The following NTN1 variants were observed in gnomAD, a reference collection of about 807,000 sequenced individuals.
The protein encoded by NTN1 is netrin 1.
A neutral mutation model predicts 54.2 loss-of-function variants in NTN1; 11 were observed. The ratio of observed to expected loss-of-function variants is 0.20; its 90% confidence interval spans 0.13 to 0.34. The LOEUF (loss-of-function observed/expected upper bound fraction) is 0.34. Among genes scored for constraint, NTN1 ranks in the 10% least tolerant of loss-of-function variants. NTN1 has a pLI of 1.00. For synonymous variants in NTN1, 371 were observed against 382.0 expected (o/e 0.97, Z 0.33); for missense variants, 740 against 893.1 (o/e 0.83, Z 2.18).
chr17:9,034,133 G>A (rs1378971269), intron 2 of NTN1, among the ~76,000 whole-genome samples: 1 of 152,072 alleles, frequency 6.6e-6, no homozygotes, highest in Non-Finnish European at 1.5e-5. Context: ...AAATTAAGCT[G>A]TCTGTGCCTT....
intron 4 of NTN1, among the ~76,000 whole-genome samples, chr17:9,181,274 C>A (rs946099597): frequency 6.6e-6 from 1 of 152,134 alleles, no homozygotes; most frequent in Non-Finnish European, 1.5e-5. Context: ...TACAGGTGCC[C>A]AGACAGTGCC....
chr17:9,029,583 A>C (rs1305328122), intron 2 of NTN1, among the ~76,000 whole-genome samples: 1 of 152,234 alleles, frequency 6.6e-6, no homozygotes, highest in African/African-American at 2.4e-5. Flanking sequence ...ATCTGCTCTC[A>C]TGAGGTTTGA....
intron 2 of NTN1, among the ~76,000 whole-genome samples, chr17:9,134,466 G>A (rs1183800223): frequency 1.3e-5 from 2 of 152,206 alleles, no homozygotes; most frequent in Non-Finnish European, 2.9e-5. Flanking sequence ...TAGATTGGGA[G>A]CATGGTCCTT....
Position 9,135,975 on chromosome 17 carries a change from A to C in NTN1, c.1019-26838A>C, listed in dbSNP as rs1252938100. Among the ~76,000 whole-genome samples, 1 of 152,174 alleles carries C rather than the reference A, an allele frequency of 6.6e-6. No individual in the cohort carries two copies. The highest frequency in any genetic ancestry group is 1.5e-5 in the Non-Finnish European group (1 of 68,028). ...ATACATGTGTGCACGTGCCTACTCA[A>C]ACTCGACACCCATCCTCCTCACTCC... On this transcript the variant is annotated intron_variant, in intron 2 of 6. Transcript: ENST00000173229. The surrounding 1 kb of genome is among the most constrained non-coding windows in gnomAD (Gnocchi z 4.4).
intron 5 of NTN1, among the ~76,000 whole-genome samples, chr17:9,204,284 ATCTCTT>A (rs1567738046): frequency 1.1e-5 from 1 of 87,762 alleles, no homozygotes; most frequent in Admixed American, 1.2e-4. Context: ...CTCTTTCTCT[ATCTCTT>A]TCTCTCTCTC....
intron 6 of NTN1, among the ~76,000 whole-genome samples, chr17:9,235,002 G>A (rs533817593): frequency 2.4e-5 from 3 of 125,912 alleles, no homozygotes; most frequent in East Asian, 4.8e-4. Flanking sequence ...CGCTCCTGTT[G>A]CCCAGGCTGG....
intron 2 of NTN1, among the ~76,000 whole-genome samples, chr17:9,065,516 A>G (rs2092012405): frequency 6.6e-6 from 1 of 152,220 alleles, no homozygotes. Context: ...ATATGGCCAC[A>G]GTCTCTTGCT....
At chr17:9,095,129 T>G (rs776960541) in intron 2 of NTN1, among the ~76,000 whole-genome samples, 2 of 152,248 alleles carry the variant, frequency 1.3e-5, no homozygotes, top group Non-Finnish European at 2.9e-5. Flanking sequence ...CTTTGTGTAT[T>G]TTTTCCATTG....
intron 2 of NTN1, among the ~76,000 whole-genome samples, chr17:9,048,771 C>T (rs895629977): frequency 9.2e-5 from 14 of 152,096 alleles, no homozygotes; most frequent in African/African-American, 3.1e-4. Context: ...ATTCTCCTGC[C>T]TCAGCCTTCC....
chr17:9,221,123 A>C lies in NTN1; in HGVS notation c.1412-45A>C. 16 of 1,284,072 alleles carry C rather than the reference A, an allele frequency of 1.2e-5. No homozygotes were observed. Among genetic ancestry groups the C allele is most frequent in the East Asian group, 2.3e-5 (1 of 43,198 alleles). 79.5% of individuals were successfully genotyped at this position (1,284,072 alleles called of 1,614,324 possible). A position where few individuals can be genotyped will look rare whatever the true frequency, so the allele number is the denominator to read the frequency against. On this transcript the variant is annotated intron_variant, in intron 5 of 6. Transcript: ENST00000173229. This position sits in a 1 kb window ranked among gnomAD's most constrained non-coding sequence, Gnocchi z 4.5. Reference sequence around the variant, plus strand: ...TCTGCCCGCCAGCCTATTCATCGCCAGCCTAATTAGTTTTTGTCTGTGCTC... The same window carrying C: ...TCTGCCCGCCAGCCTATTCATCGCCCGCCTAATTAGTTTTTGTCTGTGCTC...
chr17:9,118,379 G>A (rs185541520), intron 2 of NTN1, among the ~76,000 whole-genome samples: 5 of 152,266 alleles, frequency 3.3e-5, no homozygotes, highest in East Asian at 3.9e-4. Flanking sequence ...TTAACCGGGC[G>A]TGGTGGTGCG....
At chr17:9,021,898 C>G (rs1306546309) in intron 1 of NTN1, among the ~76,000 whole-genome samples, 1 of 152,172 alleles carries the variant, frequency 6.6e-6, no homozygotes, top group African/African-American at 2.4e-5. Flanking sequence ...GACTTTCCGG[C>G]GGGGACGCGA....
chr17:9,224,780 G>A (rs1905477981), intron 6 of NTN1, among the ~76,000 whole-genome samples: 1 of 150,902 alleles, frequency 6.6e-6, no homozygotes, highest in Non-Finnish European at 1.5e-5. Context: ...GACAAGGCTG[G>A]AGGAACAGCA....
intron 6 of NTN1, among the ~76,000 whole-genome samples, chr17:9,235,389 C>A (rs561033687): frequency 0.012 from 1,822 of 152,296 alleles, 34 homozygotes; most frequent in African/African-American, 0.04. Context: ...TCAGCAGAGC[C>A]CCCCTGTTCC....
chr17:9,240,028 C>A lies in NTN1; in HGVS notation c.*60C>A, dbSNP rs1023620297. ...CAGGGCGGGGCCGAGCGAGAGCGGG[C>A]GCCTTGGCCCGGCCGCCGCGGACTT... is the stretch of plus-strand genomic sequence containing the variant. On this transcript the variant is annotated 3_prime_UTR_variant, in exon 7 of 7. Coordinates refer to ENST00000173229, the MANE Select transcript of NTN1 (RefSeq NM_004822.3). 13 of 1,128,190 alleles carry A rather than the reference C, an allele frequency of 1.2e-5. No individual in the cohort carries two copies. Among genetic ancestry groups the A allele is most frequent in the African/African-American group, 5.0e-5 (3 of 59,908 alleles). The allele number at this position is 1,128,190 out of a possible 1,614,324, so 69.9% of individuals were successfully genotyped here. A position where few individuals can be genotyped will look rare whatever the true frequency, so the allele number is the denominator to read the frequency against.
intron 2 of NTN1, among the ~76,000 whole-genome samples, chr17:9,101,076 C>T (rs770642742): frequency 1.3e-5 from 2 of 152,184 alleles, no homozygotes; most frequent in Non-Finnish European, 2.9e-5. Context: ...TCATTATGTT[C>T]TGCCTGGATT....
chr17:9,204,830 T>C (rs1034662515), intron 5 of NTN1, among the ~76,000 whole-genome samples: 2 of 152,152 alleles, frequency 1.3e-5, no homozygotes, highest in African/African-American at 4.8e-5. Flanking sequence ...ATTAGGGTGC[T>C]GTGGTTGATT....
intron 2 of NTN1, among the ~76,000 whole-genome samples, chr17:9,088,592 G>T (rs1316530742): frequency 1.3e-5 from 2 of 152,122 alleles, no homozygotes; most frequent in Admixed American, 6.5e-5. Context: ...CCGCTCCTGG[G>T]TGGGTTGTTC....
chr17:9,196,038 C>T lies in NTN1; in HGVS notation c.1411+13069C>T, dbSNP rs115231988. 4.7e-4 allele frequency among the ~76,000 whole-genome samples: 71 copies of T among 152,122 alleles called. 1 individual carries two copies. The highest frequency in any genetic ancestry group is 1.7e-3 in the African/African-American group (70 of 41,522). ...GCTGGGCTAAAGGATACATTTGGCCCCTTCTCAGCTCAAAATCGCTGGGGC... is the reference window on the plus strand; with the variant it reads ...GCTGGGCTAAAGGATACATTTGGCCTCTTCTCAGCTCAAAATCGCTGGGGC... On this transcript the variant is annotated intron_variant, in intron 5 of 6. Transcript: ENST00000173229.
Sources: allele counts gnomAD v4.1 joint callset (sites outside exome capture counted in the v4.1 genomes callset), GRCh38; gene constraint gnomAD v4.1.1; non-coding constraint Gnocchi (gnomAD v3.1); transcripts MANE v1.5; gene names NCBI Gene and HGNC (gene_info 2026-07-23, HGNC 2026-07-21).